The following PKD1L1 variants were observed in gnomAD, a reference collection of about 807,000 sequenced individuals.
PKD1L1 encodes the protein polycystin-1-like protein 1.
A neutral mutation model predicts 323.4 loss-of-function variants in PKD1L1; 236 were observed. The ratio of observed to expected loss-of-function variants is 0.73; its 90% CI spans 0.66 to 0.81. The LOEUF is 0.81. Ranked by LOEUF, PKD1L1 falls within the 40% of genes least tolerant of loss-of-function variation. PKD1L1 has a pLI of 0.00. For synonymous variants in PKD1L1, 1,344 were observed against 1,335.0 expected, an observed-to-expected ratio of 1.01 and a Z score of -0.15; for missense variants, 3,320 against 3,508.0, an observed-to-expected ratio of 0.95 and a Z score of 1.35.
At chr7:47,874,177 A>C (rs1317155859) in intron 23 of PKD1L1, among the ~76,000 whole-genome samples, 167 bp from the exon 24 acceptor site, 5 of 152,220 alleles carry the variant, frequency 3.3e-5, no homozygotes, top group Non-Finnish European at 7.3e-5. Context: ...CAAACTCGGC[A>C]ATGGACTGTC....
In PKD1L1 at chr7:47,815,276, C is replaced by T. The variant is rs1328763724; in HGVS notation, c.7089+58G>A. The T allele has an allele frequency of 2.5e-6, 4 of 1,583,856 alleles. No individual in the cohort carries two copies. In the East Asian group the frequency reaches 6.7e-5, roughly 27 times the overall value. ...AGTTCAGCATTAGTGACTGTTTCAC[C>T]CACTGCAAGATAGCTTTTCTGAGAT... On this transcript the variant is annotated intron_variant, in intron 47 of 56. Coordinates refer to ENST00000289672, the MANE Select transcript of PKD1L1 (RefSeq NM_138295.5).
In PKD1L1 at chr7:47,821,096, A is replaced by G. The variant is rs1257092018; in HGVS notation, c.6945T>C (p.Ala2315=). The change falls in exon 46 of 57, where the codon GCT becomes GCC. Residue 2315 remains alanine, a synonymous_variant. Coordinates refer to ENST00000289672, the MANE Select transcript of PKD1L1 (RefSeq NM_138295.5). The part of the protein sequence containing the change: ...FSQDEYSLNQ[A]IRKEFTRNAR... ...CCTACCTTGTAAATTCTTTCCGGATAGCTTGATTGAGGGAGTATTCATCTT... is the reference window on the plus strand; with the variant it reads ...CCTACCTTGTAAATTCTTTCCGGATGGCTTGATTGAGGGAGTATTCATCTT... 6.3e-7 allele frequency: 1 copy of G among 1,595,808 alleles called. No homozygotes were observed. The highest frequency in any genetic ancestry group is 2.2e-5 in the East Asian group (1 of 44,796).
chr7:47,904,310 C>G, intron 12 of PKD1L1, 68 bp downstream of exon 12: 1 of 1,597,764 alleles, frequency 6.3e-7, no homozygotes, highest in Non-Finnish European at 8.5e-7. Flanking sequence ...AACCCAAGGG[C>G]TGATGCCTTA....
chr7:47,866,691 T>C (rs1156567478), intron 24 of PKD1L1, 77 bp from the exon 25 acceptor site: 6 of 1,261,420 alleles, frequency 4.8e-6, no homozygotes, highest in Non-Finnish European at 6.7e-6. Context: ...AAGAGTGGGA[T>C]GGGATTTGTT....
At position 47,809,409 on chromosome 7, in the gene PKD1L1, AT is replaced by A. The variant is rs565324638; in HGVS notation, c.7686+63del. The A allele has an allele frequency of 1.7e-4, 207 of 1,250,236 alleles. 1 individual carries two copies. In the African/African-American group the frequency reaches 2.9e-3, roughly 17 times the overall value. 77.4% of individuals were successfully genotyped at this position (1,250,236 alleles called of 1,614,324 possible). A position where few individuals can be genotyped will look rare whatever the true frequency, so the allele number is the denominator to read the frequency against. On this transcript the variant is annotated intron_variant, in intron 51 of 56. Transcript: ENST00000289672. ...GCATAATCAATTTCTTATTTAAATT[AT>A]TTTTTCAAGATATAAACAGTTTATT... is the stretch of plus-strand genomic sequence containing the variant.
In PKD1L1 at chr7:47,931,943, A is replaced by G. The variant is rs1422248060; in HGVS notation, c.512T>C (p.Leu171Pro). The G allele has an allele frequency of 6.2e-7, 1 of 1,611,528 alleles. No individual in the cohort carries two copies. The highest frequency in any genetic ancestry group is 2.2e-5 in the East Asian group (1 of 44,840). The stretch of plus-strand genomic sequence containing the variant: ...CAGGGGTTAGATACCAACCTGGAGA[A>G]GAGCAGAGAATGTGCTGTCTGCGGT... ...TGTADSTFSA[L>P]LQLQGTTSAA... The change falls in exon 5 of 57, where the codon CTT (leucine) becomes CCT (proline). Residue 171 changes from leucine to proline, a missense_variant. By Grantham distance (98) the Leu-to-Pro change is moderately conservative. Coordinates refer to ENST00000289672, the MANE Select transcript of PKD1L1 (RefSeq NM_138295.5).
At chr7:47,880,284 A>ATATATATATTTTTTTTTTTTTTTTTT (rs1225214936) in intron 21 of PKD1L1, among the ~76,000 whole-genome samples, 1 of 56,818 alleles carries the variant, frequency 1.8e-5, no homozygotes, top group Non-Finnish European at 2.8e-5. Context: ...ATATATATAT[A>ATATATATATTTTTTTTTTTTTTTTTT]TTTTTTTTTT....
At position 47,859,003 on chromosome 7, in the gene PKD1L1, AAT is replaced by A. The variant is rs1232974920; in HGVS notation, c.4150-120_4150-119del. 17 of 1,314,626 alleles carry A rather than the reference AAT, an allele frequency of 1.3e-5. No homozygotes were observed. The East Asian group carries it at 4.1e-4, about 32-fold the overall frequency. The allele number at this position is 1,314,626 out of a possible 1,614,324, so 81.4% of individuals were successfully genotyped here. On this transcript the variant is annotated intron_variant, in intron 26 of 56. Transcript: ENST00000289672. ...TAGCTGCATGAACAGAAAAGATGTA[AAT>A]AAAGTGCCTCATGGCATATGATGCA...
intron 44 of PKD1L1, among the ~76,000 whole-genome samples, chr7:47,828,729 T>A (rs7783894): frequency 0.38 from 57,788 of 152,114 alleles, 11,722 homozygotes; most frequent in East Asian, 0.63. Flanking sequence ...TAGGCAGGGC[T>A]GAGAGGCCTC....
chr7:47,796,130 A>G lies in PKD1L1; in HGVS notation c.8214T>C (p.Thr2738=), dbSNP rs1347578634. The part of the protein sequence containing the change: ...CFGMLRGFLM[T]LPQKRKSFQS... Reference sequence around the variant, plus strand: ...GAAAAGATTTTCTTTTTTGGGGTAAAGTCATGAGAAAACCTCTCAGCTAGG... The same window carrying G: ...GAAAAGATTTTCTTTTTTGGGGTAAGGTCATGAGAAAACCTCTCAGCTAGG... Residue 2738 remains threonine (T), a synonymous_variant, in exon 55 of 57, where the codon ACT becomes ACC. Transcript: ENST00000289672. 6.2e-7 allele frequency: 1 copy of G among 1,600,878 alleles called. No homozygotes were observed. Among genetic ancestry groups the G allele is most frequent in the Admixed American group, 1.8e-5 (1 of 56,138 alleles).
chr7:47,828,452 G>A (rs1447223926), intron 44 of PKD1L1, among the ~76,000 whole-genome samples: 1 of 152,070 alleles, frequency 6.6e-6, no homozygotes, highest in African/African-American at 2.4e-5. Flanking sequence ...CTTCTCAAGA[G>A]CTAAGGTGCT....
chr7:47,942,510 T>A (rs1197409632), intron 2 of PKD1L1, among the ~76,000 whole-genome samples: 3 of 152,156 alleles, frequency 2.0e-5, no homozygotes, highest in East Asian at 1.9e-4. Flanking sequence ...AATTTAATTT[T>A]AAAAATCCGT....
chr7:47,908,003 A>G, intron 9 of PKD1L1, 74 bp downstream of exon 9: 5 of 1,442,698 alleles, frequency 3.5e-6, no homozygotes, highest in Non-Finnish European at 3.7e-6. Flanking sequence ...CTTGAACAGT[A>G]TAAGTAAAGC....
At chr7:47,908,413 G>A (rs542491295) in intron 8 of PKD1L1, among the ~76,000 whole-genome samples, 163 bp from the exon 9 acceptor site, 1 of 152,322 alleles carries the variant, frequency 6.6e-6, no homozygotes, top group Admixed American at 6.5e-5. Context: ...ATGGGCATGT[G>A]ACCCATACAG....
intron 48 of PKD1L1, 78 bp from the exon 49 acceptor site, chr7:47,813,371 G>C: frequency 6.7e-7 from 1 of 1,482,668 alleles, no homozygotes; most frequent in Non-Finnish European, 9.2e-7. Flanking sequence ...TCCAGGCCTG[G>C]CCACATGTGA....
chr7:47,953,383 T>A (rs1788231778), upstream of PKD1L1, among the ~76,000 whole-genome samples: 1 of 152,182 alleles, frequency 6.6e-6, no homozygotes, highest in African/African-American at 2.4e-5. Flanking sequence ...CACTGATTAT[T>A]TGATATAGAC....
chr7:47,922,807 C>G (rs1441759156), intron 7 of PKD1L1, among the ~76,000 whole-genome samples: 1 of 152,268 alleles, frequency 6.6e-6, no homozygotes, highest in Non-Finnish European at 1.5e-5. Context: ...GGGAGCCCCT[C>G]TGCCCGGCCG....
At position 47,873,814 on chromosome 7, in the gene PKD1L1, C is replaced by T. The variant is rs72601625; in HGVS notation, c.3896+85G>A. ...AGATGAGTTCCTGACATGTTTTTGA[C>T]GCTTGTTAACAACTTGGGGGAGAGC... On this transcript the variant is annotated intron_variant, in intron 24 of 56. Transcript: ENST00000289672. 67,206 of 975,424 alleles carry T rather than the reference C, an allele frequency of 0.069. 2,661 individuals carry two copies. Among genetic ancestry groups the T allele is most frequent in the East Asian group, 0.07 (2,740 of 39,416 alleles). The allele number at this position is 975,424 out of a possible 1,614,324, so 60.4% of individuals were successfully genotyped here.
intron 31 of PKD1L1, among the ~76,000 whole-genome samples, chr7:47,850,590 C>T (rs2128740453): frequency 7.3e-6 from 1 of 136,868 alleles, no homozygotes; most frequent in African/African-American, 2.9e-5. Flanking sequence ...CGAGATCACA[C>T]CATTGCACTC....
Sources: allele counts gnomAD v4.1 joint callset (sites outside exome capture counted in the v4.1 genomes callset), GRCh38; gene constraint gnomAD v4.1.1; transcripts MANE v1.5; gene names NCBI Gene and HGNC (gene_info 2026-07-23, HGNC 2026-07-21).